Variants in NPR2 observed in about 807,000 individuals in gnomAD.
The protein encoded by NPR2 is atrial natriuretic peptide receptor 2.
In NPR2, 49 loss-of-function variants were observed where a neutral mutation model predicts 120.7. The ratio of observed to expected loss-of-function variants is 0.41; its 90% CI spans 0.32 to 0.52. NPR2 has a LOEUF of 0.52. Among genes scored for constraint, NPR2 ranks in the 20% least tolerant of loss-of-function variants. NPR2 has a pLI of 0.36. For synonymous variants in NPR2, 484 were observed against 519.8 expected (o/e 0.93, Z 0.94); for missense variants, 931 against 1,362.9 (o/e 0.68, Z 4.99).
Position 35,800,416 on chromosome 9 carries a change from A to G in NPR2, c.1151A>G (p.Lys384Arg), listed in dbSNP as rs1196141719. ...HGVTGLVVMD[K>R]NNDRETDFVL... ...GTAACTGGGCTGGTTGTCATGGACA[A>G]GAACAATGACCGAGAGACTGACTTT... Residue 384 changes from lysine (K) to arginine (R), a missense_variant, in exon 5 of 22, where the codon AAG becomes AGG. Coordinates refer to ENST00000342694, the MANE Select transcript of NPR2 (RefSeq NM_003995.4). The surrounding 1 kb of genome is among the most constrained non-coding windows in gnomAD (Gnocchi z 4.7). 2 of 1,614,062 alleles carry G rather than the reference A, an allele frequency of 1.2e-6. No individual in the cohort carries two copies. The highest frequency in any genetic ancestry group is 8.5e-7 in the Non-Finnish European group (1 of 1,180,012).
At position 35,808,621 on chromosome 9, in the gene NPR2, C is replaced by A; in HGVS notation, c.2825C>A (p.Ser942Tyr). The change falls in exon 19 of 22, where the codon TCT becomes TAT. Residue 942 changes from serine to tyrosine, a missense_variant. Physicochemically the swap from Ser to Tyr is moderately radical, Grantham distance 144 (BLOSUM62 -2). Transcript: ENST00000342694. The surrounding 1 kb of genome is among the most constrained non-coding windows in gnomAD (Gnocchi z 4.0). ...RMALALLDAV[S>Y]SFRIRHRPHD... ...GCCCTAGCATTACTAGATGCAGTTTCTTCCTTTCGCATCCGCCACCGACCC... is the reference window on the plus strand; with the variant it reads ...GCCCTAGCATTACTAGATGCAGTTTATTCCTTTCGCATCCGCCACCGACCC... 1.2e-6 allele frequency: 2 copies of A among 1,614,198 alleles called. No individual in the cohort carries two copies. The highest frequency in any genetic ancestry group is 1.7e-6 in the Non-Finnish European group (2 of 1,180,028).
In NPR2 at chr9:35,792,230, C is replaced by A; in HGVS notation, c.-179C>A. 2.2e-6 allele frequency: 1 copy of A among 458,596 alleles called. No homozygotes were observed. Among genetic ancestry groups the A allele is most frequent in the Non-Finnish European group, 3.9e-6 (1 of 257,572 alleles). The allele number at this position is 458,596 out of a possible 1,614,324, so 28.4% of individuals were successfully genotyped here. A position where few individuals can be genotyped will look rare whatever the true frequency, so the allele number is the denominator to read the frequency against. ...CCACTCCTTGCCCGCCCCCCGCCTT[C>A]CTCCCATCTCCCCCTCCTCTCCCCG... On this transcript the variant is annotated 5_prime_UTR_variant, in exon 1 of 22. Transcript: ENST00000342694.
rs61758534 is a variant in NPR2 at position 35,809,715 on chromosome 9, A to T, written c.*270A>T. The T allele has an allele frequency of 5.1e-4, 658 of 1,282,244 alleles. 1 individual carries two copies. Among genetic ancestry groups the T allele is most frequent in the Non-Finnish European group, 6.6e-4 (598 of 902,378 alleles). The allele number at this position is 1,282,244 out of a possible 1,614,324, so 79.4% of individuals were successfully genotyped here. On this transcript the variant is annotated 3_prime_UTR_variant, in exon 22 of 22. Coordinates refer to ENST00000342694, the MANE Select transcript of NPR2 (RefSeq NM_003995.4). The surrounding 1 kb of genome is among the most constrained non-coding windows in gnomAD (Gnocchi z 4.1). ...TTGGTCAAATATAAAACAATAATAA[A>T]AAAAGTTCTGATGTCATAGTGTGGG...
At chr9:35,793,788 G>A (rs1827859819) in intron 1 of NPR2, 110 bp from the exon 2 acceptor site, 4 of 1,096,204 alleles carry the variant, frequency 3.6e-6, no homozygotes, top group Admixed American at 1.8e-5. Context: ...GATAGGTTAG[G>A]GCACTCTCTT....
Position 35,800,009 on chromosome 9 carries a change from T to A in NPR2, c.988-13T>A. The A allele has an allele frequency of 6.2e-7, 1 of 1,613,604 alleles. No individual in the cohort carries two copies. Among genetic ancestry groups the A allele is most frequent in the Non-Finnish European group, 8.5e-7 (1 of 1,179,990 alleles). On this transcript the variant is annotated splice_polypyrimidine_tract_variant and intron_variant, in intron 3 of 21. Transcript: ENST00000342694. The surrounding 1 kb of genome is among the most constrained non-coding windows in gnomAD (Gnocchi z 4.7). Reference sequence around the variant, plus strand: ...GGACATTTGGAGAGTACTGCTGAAGTTGCCACCCCCAGATGAACCTCATCG... The same window carrying A: ...GGACATTTGGAGAGTACTGCTGAAGATGCCACCCCCAGATGAACCTCATCG...
At position 35,808,703 on chromosome 9, in the gene NPR2, C is replaced by T. The variant is rs763867588; in HGVS notation, c.2887+20C>T. On this transcript the variant is annotated intron_variant, in intron 19 of 21. Transcript: ENST00000342694. This position sits in a 1 kb window ranked among gnomAD's most constrained non-coding sequence, Gnocchi z 4.0. ...ATACTGGTAAGGCTGACTCTCACTC[C>T]AGCCCTAGTCTCCACCTTTCCCAGA... The T allele has an allele frequency of 1.2e-6, 2 of 1,613,202 alleles. No homozygotes were observed. The highest frequency in any genetic ancestry group is 4.5e-5 in the East Asian group (2 of 44,874).
At position 35,792,485 on chromosome 9, in the gene NPR2, C is replaced by G; in HGVS notation, c.77C>G (p.Thr26Arg). The change falls in exon 1 of 22, where the codon ACG becomes AGG. Residue 26 changes from threonine (T) to arginine (R), a missense_variant. Thr to Arg is a moderately conservative substitution (Grantham distance 71). Transcript: ENST00000342694. Reference sequence around the variant, plus strand: ...CGTCCTCCCGGGGCGCGGAACCTGACGCTGGCGGTGGTGCTGCCAGAACAC... The same window carrying G: ...CGTCCTCCCGGGGCGCGGAACCTGAGGCTGGCGGTGGTGCTGCCAGAACAC... ...GVRPPGARNLTLAVVLPEHNL... is the reference protein window; with the variant it reads ...GVRPPGARNLRLAVVLPEHNL... 1.2e-6 allele frequency: 2 copies of G among 1,610,646 alleles called. No individual in the cohort carries two copies. Among genetic ancestry groups the G allele is most frequent in the South Asian group, 2.2e-5 (2 of 91,082 alleles).
Position 35,808,268 on chromosome 9 carries a change from CATTCATTCCGCAA to C in NPR2, c.2713-238_2713-226del. 1 of 1,614,100 alleles carries C rather than the reference CATTCATTCCGCAA, an allele frequency of 6.2e-7. No homozygotes were observed. Among genetic ancestry groups the C allele is most frequent in the South Asian group, 1.1e-5 (1 of 91,078 alleles). ...CATGTCCTGCTGCAGACAGGGTGTTCATTCATTCCGCAAATGTTTACTGAGTATTCACCAGGTG... is the reference window on the plus strand; with the variant it reads ...CATGTCCTGCTGCAGACAGGGTGTTCATGTTTACTGAGTATTCACCAGGTG... On this transcript the variant is annotated intron_variant, in intron 18 of 21. Transcript: ENST00000342694. This position sits in a 1 kb window ranked among gnomAD's most constrained non-coding sequence, Gnocchi z 4.0.
intron 7 of NPR2, 120 bp downstream of exon 7, chr9:35,801,274 T>G: frequency 2.5e-6 from 2 of 797,646 alleles, no homozygotes; most frequent in East Asian, 4.9e-5. Context: ...TTGCTGGTTG[T>G]CTCTTAGATC....
chr9:35,802,378 T>G lies in NPR2; in HGVS notation c.1710+95T>G, dbSNP rs1828203377. 5 of 982,400 alleles carry G rather than the reference T, an allele frequency of 5.1e-6. No individual in the cohort carries two copies. In the East Asian group the frequency reaches 1.2e-4, roughly 23 times the overall value. 60.9% of individuals were successfully genotyped at this position (982,400 alleles called of 1,614,324 possible). On this transcript the variant is annotated intron_variant, in intron 10 of 21. Transcript: ENST00000342694. This position sits in a 1 kb window ranked among gnomAD's most constrained non-coding sequence, Gnocchi z 4.2. ...TTGGCTAGATGGGCAAGGGGTTGAT[T>G]TATAAATGATTTTAAAATCGTAGAT...
In NPR2 at chr9:35,808,762, C is replaced by CTGTGCTGGGGT; in HGVS notation, c.2899_2909dup (p.Gly971LeufsTer6). The stretch of plus-strand genomic sequence containing the variant: ...ACCTGTTTCTTCTCAAAGGGCCAGT[C>CTGTGCTGGGGT]TGTGCTGGGGTTGTTGGCCTGAAGA... On this transcript the variant is annotated frameshift_variant, in exon 20 of 22. Transcript: ENST00000342694. LOFTEE classifies it high-confidence loss of function. The surrounding 1 kb of genome is among the most constrained non-coding windows in gnomAD (Gnocchi z 4.0). 1 of 1,613,382 alleles carries CTGTGCTGGGGT rather than the reference C, an allele frequency of 6.2e-7. No homozygotes were observed. The highest frequency in any genetic ancestry group is 8.5e-7 in the Non-Finnish European group (1 of 1,179,238).
In NPR2 at chr9:35,800,510, A is replaced by AGT. The variant is rs748051777; in HGVS notation, c.1218+31_1218+32dup. 7.5e-6 allele frequency: 12 copies of AGT among 1,594,606 alleles called. No individual in the cohort carries two copies. In the East Asian group the frequency reaches 2.7e-4, roughly 36 times the overall value. On this transcript the variant is annotated intron_variant, in intron 5 of 21. Coordinates refer to ENST00000342694, the MANE Select transcript of NPR2 (RefSeq NM_003995.4). The surrounding 1 kb of genome is among the most constrained non-coding windows in gnomAD (Gnocchi z 4.7). Reference sequence around the variant, plus strand: ...TGATGGAGGAGGAGGCAGGGAAGAGAGTGTGGCCCTGCAAAATCCAGCTTT... The same window carrying AGT: ...TGATGGAGGAGGAGGCAGGGAAGAGAGTGTGTGGCCCTGCAAAATCCAGCTTT...
At position 35,792,379 on chromosome 9, in the gene NPR2, T is replaced by A; in HGVS notation, c.-30T>A. On this transcript the variant is annotated 5_prime_UTR_variant, in exon 1 of 22. Transcript: ENST00000342694. ...TGTAGGCCAGAGCAGCCCCAAGTTCTGGGGGCGGTGGGGCTGCTGCTTTAT... is the reference window on the plus strand; with the variant it reads ...TGTAGGCCAGAGCAGCCCCAAGTTCAGGGGGCGGTGGGGCTGCTGCTTTAT... 1 of 1,604,004 alleles carries A rather than the reference T, an allele frequency of 6.2e-7. No individual in the cohort carries two copies. Among genetic ancestry groups the A allele is most frequent in the South Asian group, 1.1e-5 (1 of 90,356 alleles).
rs1318070089 is a variant in NPR2 at position 35,806,620 on chromosome 9, G to A, written c.2519+82G>A. On this transcript the variant is annotated intron_variant, in intron 16 of 21. Coordinates refer to ENST00000342694, the MANE Select transcript of NPR2 (RefSeq NM_003995.4). The surrounding 1 kb of genome is among the most constrained non-coding windows in gnomAD (Gnocchi z 4.6). ...TGCCTCATCAGGCACCTGAGAACTC[G>A]CCTCCCCACCCTCAGAACCCTGCTG... 33 of 1,495,846 alleles carry A rather than the reference G, an allele frequency of 2.2e-5. No individual in the cohort carries two copies. In the East Asian group the frequency reaches 2.9e-4, roughly 13 times the overall value. 92.7% of individuals were successfully genotyped at this position (1,495,846 alleles called of 1,614,324 possible).
rs1828103755 is a variant in NPR2 at position 35,800,351 on chromosome 9, G to A, written c.1124-38G>A. 1 of 1,575,994 alleles carries A rather than the reference G, an allele frequency of 6.3e-7. No homozygotes were observed. The highest frequency in any genetic ancestry group is 1.1e-5 in the South Asian group (1 of 90,334). ...ATGAGTGAGTGGGAGAGGAGCCCAG[G>A]GTAGACCTCAAAGAAAGGACACTCT... On this transcript the variant is annotated intron_variant, in intron 4 of 21. Transcript: ENST00000342694. This position sits in a 1 kb window ranked among gnomAD's most constrained non-coding sequence, Gnocchi z 4.7.
chr9:35,802,434 G>C lies in NPR2; in HGVS notation c.1711-69G>C, dbSNP rs1351224092. The C allele has an allele frequency of 9.9e-7, 1 of 1,007,894 alleles. No individual in the cohort carries two copies. The highest frequency in any genetic ancestry group is 1.6e-5 in the African/African-American group (1 of 63,304). 62.4% of individuals were successfully genotyped at this position (1,007,894 alleles called of 1,614,324 possible). On this transcript the variant is annotated intron_variant, in intron 10 of 21. Transcript: ENST00000342694. The surrounding 1 kb of genome is among the most constrained non-coding windows in gnomAD (Gnocchi z 4.2). ...TAAGAGAAAGGTCCTCTTATGTAGT[G>C]GTAAGTTTCTGTATCTAATTTTTAA... is the stretch of plus-strand genomic sequence containing the variant.
At position 35,808,417 on chromosome 9, in the gene NPR2, G is replaced by T; in HGVS notation, c.2713-92G>T. 1 of 1,447,424 alleles carries T rather than the reference G, an allele frequency of 6.9e-7. No homozygotes were observed. The highest frequency in any genetic ancestry group is 9.7e-7 in the Non-Finnish European group (1 of 1,033,746). 89.7% of individuals were successfully genotyped at this position (1,447,424 alleles called of 1,614,324 possible). ...ATTCTGGTCTCCAGCATGTCAGGATGATTAATGATGGTGTCAAGCTTGTCT... is the reference window on the plus strand; with the variant it reads ...ATTCTGGTCTCCAGCATGTCAGGATTATTAATGATGGTGTCAAGCTTGTCT... On this transcript the variant is annotated intron_variant, in intron 18 of 21. Transcript: ENST00000342694. This position sits in a 1 kb window ranked among gnomAD's most constrained non-coding sequence, Gnocchi z 4.0.
Position 35,806,887 on chromosome 9 carries a change from C to A in NPR2, c.2520-136C>A. ...GCATTAGACTGTAATGTCTTCCCAG[C>A]CACTTTCCTCCCTCCCACCTGAAAA... On this transcript the variant is annotated intron_variant, in intron 16 of 21. Coordinates refer to ENST00000342694, the MANE Select transcript of NPR2 (RefSeq NM_003995.4). This position sits in a 1 kb window ranked among gnomAD's most constrained non-coding sequence, Gnocchi z 4.6. 1 of 986,538 alleles carries A rather than the reference C, an allele frequency of 1.0e-6. No homozygotes were observed. Among genetic ancestry groups the A allele is most frequent in the Non-Finnish European group, 1.6e-6 (1 of 644,058 alleles). The allele number at this position is 986,538 out of a possible 1,614,324, so 61.1% of individuals were successfully genotyped here.
rs773262712 is a variant in NPR2, at chr9:35,800,889, A to C, written c.1351+48A>C. 1.2e-6 allele frequency: 2 copies of C among 1,613,208 alleles called. No individual in the cohort carries two copies. The highest frequency in any genetic ancestry group is 4.5e-5 in the East Asian group (2 of 44,870). Reference sequence around the variant, plus strand: ...AGCAGCTTTCCTCCCTTTGCTTTCCATTCATGGCCTCCACCCTCACTGACC... The same window carrying C: ...AGCAGCTTTCCTCCCTTTGCTTTCCCTTCATGGCCTCCACCCTCACTGACC... On this transcript the variant is annotated intron_variant, in intron 6 of 21. Coordinates refer to ENST00000342694, the MANE Select transcript of NPR2 (RefSeq NM_003995.4). The surrounding 1 kb of genome is among the most constrained non-coding windows in gnomAD (Gnocchi z 4.7).
Sources: gnomAD v4.1 joint callset for allele counts on GRCh38, gnomAD v4.1.1 for gene constraint, Gnocchi (gnomAD v3.1) non-coding constraint, MANE v1.5 for transcripts, NCBI Gene and HGNC (gene_info 2026-07-23, HGNC 2026-07-21) for gene names.